Variants in PTPN21 observed in about 807,000 individuals in gnomAD.
PTPN21 encodes the protein protein tyrosine phosphatase non-receptor type 21.
Under a neutral mutation model 131.8 loss-of-function variants are expected in PTPN21, and 77 were observed. The observed-to-expected ratio is 0.58, with a 90% CI of 0.49 to 0.71. PTPN21 has a LOEUF of 0.71. PTPN21 is among the 30% of genes least tolerant of loss of function. PTPN21 has a pLI of 0.00. For synonymous variants in PTPN21, 715 were observed against 621.3 expected, an observed-to-expected ratio of 1.15 and a Z score of -2.24; for missense variants, 1,552 against 1,527.1, an observed-to-expected ratio of 1.02 and a Z score of -0.27.
intron 6 of PTPN21, among the ~76,000 whole-genome samples, chr14:88,502,214 C>T (rs2078020150): frequency 6.6e-6 from 1 of 152,092 alleles, no homozygotes; most frequent in South Asian, 2.1e-4. Context: ...CTCAAGGCAC[C>T]CACACTGCAG....
At position 88,529,940 on chromosome 14, in the gene PTPN21, C is replaced by T. The variant is rs552271638; in HGVS notation, c.181-12679G>A. Reference sequence around the variant, plus strand: ...GAGGTAGCAGTGAGCCAAAATCACACCATGCACTTCAGTCTGGGCGACAGA... The same window carrying T: ...GAGGTAGCAGTGAGCCAAAATCACATCATGCACTTCAGTCTGGGCGACAGA... On this transcript the variant is annotated intron_variant, in intron 2 of 18. Transcript: ENST00000556564. Among the ~76,000 whole-genome samples, 5 of 151,694 alleles carry T rather than the reference C, an allele frequency of 3.3e-5. No individual in the cohort carries two copies. In the South Asian group the frequency reaches 8.3e-4, roughly 25 times the overall value.
chr14:88,514,062 A>G (rs976590994), intron 3 of PTPN21: 2 of 152,236 alleles, frequency 1.3e-5, no homozygotes, highest in Non-Finnish European at 2.9e-5. Flanking sequence ...TGTTATAGCT[A>G]GAATATACAA....
intron 10 of PTPN21, among the ~76,000 whole-genome samples, chr14:88,492,724 T>A (rs1274749913): frequency 6.6e-6 from 1 of 152,182 alleles, no homozygotes; most frequent in Non-Finnish European, 1.5e-5. Context: ...AAAATGCCCT[T>A]GTTAGACTTT....
Position 88,467,065 on chromosome 14 carries a change from C to T in PTPN21, c.*1072G>A, listed in dbSNP as rs2077375554. ...GGACAGTGCTGTGGGGTCCCCTGCT[C>T]GCCATCCCAGCACCTCAGTCTGAGT... On this transcript the variant is annotated 3_prime_UTR_variant, in exon 19 of 19. Coordinates refer to ENST00000556564, the MANE Select transcript of PTPN21 (RefSeq NM_007039.4). 1 of 152,148 alleles carries T rather than the reference C, an allele frequency of 6.6e-6. No individual in the cohort carries two copies. Among genetic ancestry groups the T allele is most frequent in the African/African-American group, 2.4e-5 (1 of 41,428 alleles). The allele number at this position is 152,148 out of a possible 1,614,324, so 9.4% of individuals were successfully genotyped here. A position where few individuals can be genotyped will look rare whatever the true frequency, so the allele number is the denominator to read the frequency against.
intron 2 of PTPN21, among the ~76,000 whole-genome samples, chr14:88,517,820 GTATA>G (rs549595137): frequency 4.7e-3 from 683 of 145,518 alleles, no homozygotes; most frequent in Middle Eastern, 0.019. Flanking sequence ...GTGTGTATGT[GTATA>G]TATAGTGTAT....
At chr14:88,501,727 G>A (rs1054095036) in intron 6 of PTPN21, among the ~76,000 whole-genome samples, 5 of 151,918 alleles carry the variant, frequency 3.3e-5, no homozygotes, top group South Asian at 2.1e-4. Flanking sequence ...GCCTGTAACC[G>A]CAGCACCTTG....
chr14:88,518,306 A>G (rs2078319733), intron 2 of PTPN21, among the ~76,000 whole-genome samples: 1 of 101,814 alleles, frequency 9.8e-6, no homozygotes, highest in African/African-American at 3.5e-5. Flanking sequence ...ACACACATAT[A>G]TGTGTATATA....
chr14:88,471,051 T>C (rs1237599214), intron 15 of PTPN21, among the ~76,000 whole-genome samples: 2 of 152,220 alleles, frequency 1.3e-5, no homozygotes. Flanking sequence ...AGAGACTGGA[T>C]GAGTTATTTC....
At chr14:88,511,438 T>A (rs1173832141) in intron 3 of PTPN21, among the ~76,000 whole-genome samples, 1 of 152,102 alleles carries the variant, frequency 6.6e-6, no homozygotes, top group Non-Finnish European at 1.5e-5. Context: ...TTTGGGAGGC[T>A]GAGGCAGGTG....
chr14:88,473,844 AC>A (rs1409600676), intron 13 of PTPN21, 42 bp from the exon 14 acceptor site: 2 of 1,541,594 alleles, frequency 1.3e-6, no homozygotes, highest in Non-Finnish European at 1.8e-6. Context: ...ATACACAAAT[AC>A]AACCCCTGTG....
chr14:88,482,756 C>A (rs2077670718), intron 12 of PTPN21, among the ~76,000 whole-genome samples: 1 of 151,948 alleles, frequency 6.6e-6, no homozygotes, highest in African/African-American at 2.4e-5. Flanking sequence ...AAAAACCTAG[C>A]ATGCCAGGAG....
chr14:88,497,210 A>C lies in PTPN21; in HGVS notation c.845T>G (p.Phe282Cys). ...ELANKEETIQ[F>C]QTEDMETAKY... is the part of the protein sequence containing the mutation. ...CCCCTAATGTTTACTCACAGTTTGAAATTGAATGGTCTCCTCTTTATTTGC... is the reference window on the plus strand; with the variant it reads ...CCCCTAATGTTTACTCACAGTTTGACATTGAATGGTCTCCTCTTTATTTGC... The change falls in exon 9 of 19, where the codon TTT (phenylalanine) becomes TGT (cysteine). Residue 282 changes from phenylalanine to cysteine, a missense_variant. Transcript: ENST00000556564. 6.2e-7 allele frequency: 1 copy of C among 1,603,918 alleles called. No homozygotes were observed. Among genetic ancestry groups the C allele is most frequent in the South Asian group, 1.1e-5 (1 of 90,822 alleles).
chr14:88,553,483 TAA>T (rs1358941788), intron 1 of PTPN21, among the ~76,000 whole-genome samples: 2 of 152,156 alleles, frequency 1.3e-5, no homozygotes, highest in African/African-American at 4.8e-5. Flanking sequence ...AGTAGAAATT[TAA>T]GAGTTCTTTG....
intron 8 of PTPN21, among the ~76,000 whole-genome samples, chr14:88,498,100 T>TA (rs61667883): frequency 0.011 from 1,308 of 119,452 alleles, 21 homozygotes; most frequent in South Asian, 0.093. Flanking sequence ...AAACTCTGTC[T>TA]AAAAAAAAAA....
intron 10 of PTPN21, among the ~76,000 whole-genome samples, chr14:88,486,064 G>A (rs2140108872): frequency 6.6e-6 from 1 of 151,100 alleles, no homozygotes; most frequent in African/African-American, 2.5e-5. Context: ...GTGGTTTCAG[G>A]CTCCCCACAC....
At chr14:88,544,296 G>T (rs937002607) in intron 2 of PTPN21, among the ~76,000 whole-genome samples, 7 of 151,992 alleles carry the variant, frequency 4.6e-5, no homozygotes, top group Non-Finnish European at 7.4e-5. Context: ...TGTGAGCCGA[G>T]ATCGCGCCAT....
chr14:88,496,439 C>T lies in PTPN21; in HGVS notation c.906G>A (p.Lys302=). The change falls in exon 10 of 19, where the codon AAG becomes AAA. Residue 302 remains lysine, a synonymous_variant. Coordinates refer to ENST00000556564, the MANE Select transcript of PTPN21 (RefSeq NM_007039.4). ...GGTTACACTGGTTTAGTCTGTAAAA[C>T]TTGTGTCGCGCAACACAGAGTCTCC... ...YIWRLCVARH[K]FYRLNQCNLQ... is the part of the protein sequence containing the mutation. The T allele has an allele frequency of 6.2e-7, 1 of 1,613,884 alleles. No individual in the cohort carries two copies. Among genetic ancestry groups the T allele is most frequent in the Non-Finnish European group, 8.5e-7 (1 of 1,179,846 alleles).
chr14:88,475,573 T>G (rs1268097188), intron 13 of PTPN21, among the ~76,000 whole-genome samples: 1 of 152,150 alleles, frequency 6.6e-6, no homozygotes, highest in Admixed American at 6.5e-5. Context: ...CACTTCCTGC[T>G]TAGGCTGAAA....
Position 88,479,851 on chromosome 14 carries a change from G to A in PTPN21, c.1580C>T (p.Pro527Leu), listed in dbSNP as rs200405209. 4.4e-4 allele frequency: 694 copies of A among 1,563,706 alleles called. 11 individuals carry two copies. The South Asian group carries it at 7.6e-3, about 17-fold the overall frequency. Residue 527 changes from proline to leucine, a missense_variant, in exon 13 of 19, where the codon CCT becomes CTT. By Grantham distance (98) the Pro-to-Leu change is moderately conservative. Transcript: ENST00000556564. ...SFHSPSPYPY[P>L]AERRPVVGAV... Reference sequence around the variant, plus strand: ...GCCCACCACGGGCCGCCGCTCGGCAGGGTAGGGGTAGGGAGACGGGCTGTG... The same window carrying A: ...GCCCACCACGGGCCGCCGCTCGGCAAGGTAGGGGTAGGGAGACGGGCTGTG...
Sources: allele counts gnomAD v4.1 joint callset (sites outside exome capture counted in the v4.1 genomes callset), GRCh38; gene constraint gnomAD v4.1.1; transcripts MANE v1.5; gene names NCBI Gene and HGNC (gene_info 2026-07-23, HGNC 2026-07-21).